The following RAB3B variants were observed in gnomAD, a reference collection of about 807,000 sequenced individuals.
RAB3B encodes the protein ras-related protein Rab-3B.
A neutral mutation model predicts 20.5 loss-of-function variants in RAB3B; 11 were observed. The observed-to-expected ratio is 0.54, with a 90% CI of 0.34 to 0.89. The LOEUF (loss-of-function observed/expected upper bound fraction) is 0.89, where lower values mean the gene tolerates loss of function less well. Ranked by LOEUF, RAB3B falls within the 40% of genes least tolerant of loss-of-function variation. The pLI is 0.02. For synonymous variants in RAB3B, 99 were observed against 106.3 expected (o/e 0.93, Z 0.42); for missense variants, 225 against 280.9 (o/e 0.80, Z 1.42).
At chr1:51,947,388 T>C (rs542577569) in intron 2 of RAB3B, among the ~76,000 whole-genome samples, 3 of 80,620 alleles carry the variant, frequency 3.7e-5, no homozygotes, top group Non-Finnish European at 8.5e-5. Flanking sequence ...GAGTGGGACC[T>C]TGCCTCAAAA....
intron 2 of RAB3B, among the ~76,000 whole-genome samples, chr1:51,967,398 A>G (rs1477920965): frequency 6.6e-6 from 1 of 151,918 alleles, no homozygotes; most frequent in African/African-American, 2.4e-5. Flanking sequence ...TTGACACCTA[A>G]CAAGGTAACA....
At chr1:51,953,187 A>C (rs1684662963) in intron 2 of RAB3B, among the ~76,000 whole-genome samples, 1 of 152,150 alleles carries the variant, frequency 6.6e-6, no homozygotes, top group Admixed American at 6.5e-5. Context: ...AGAGTTGCCA[A>C]TCCATTTCCT....
chr1:51,947,733 A>G (rs1326671383), intron 2 of RAB3B, among the ~76,000 whole-genome samples: 1 of 152,110 alleles, frequency 6.6e-6, no homozygotes, highest in Admixed American at 6.6e-5. Context: ...TCTCTGCCAC[A>G]ATACACCCTC....
intron 1 of RAB3B, among the ~76,000 whole-genome samples, chr1:51,982,330 T>G (rs1043971777): frequency 2.0e-5 from 3 of 152,182 alleles, no homozygotes; most frequent in African/African-American, 7.2e-5. Flanking sequence ...GGAGGATCGC[T>G]CAAGCCAAGG....
chr1:51,948,063 A>G (rs1299855528), intron 2 of RAB3B, among the ~76,000 whole-genome samples: 1 of 152,188 alleles, frequency 6.6e-6, no homozygotes, highest in African/African-American at 2.4e-5. Context: ...AGCCCTCCAA[A>G]TATTCAAATC....
At chr1:51,971,957 G>C (rs1684943059) in intron 2 of RAB3B, among the ~76,000 whole-genome samples, 1 of 152,086 alleles carries the variant, frequency 6.6e-6, no homozygotes, top group Non-Finnish European at 1.5e-5. Flanking sequence ...GAGGTAGGTG[G>C]ATCACTTGAG....
intron 2 of RAB3B, among the ~76,000 whole-genome samples, chr1:51,940,135 G>C (rs1684470698): frequency 6.6e-6 from 1 of 152,152 alleles, no homozygotes; most frequent in African/African-American, 2.4e-5. Context: ...GAACTAATCT[G>C]TCTCTCTCCT....
intron 2 of RAB3B, among the ~76,000 whole-genome samples, chr1:51,962,249 C>G (rs974205951): frequency 6.6e-6 from 1 of 152,200 alleles, no homozygotes; most frequent in Non-Finnish European, 1.5e-5. Context: ...AAGCACTGAG[C>G]ACAGTGCTGG....
chr1:51,989,673 T>A (rs185774303), intron 1 of RAB3B, among the ~76,000 whole-genome samples: 75 of 151,966 alleles, frequency 4.9e-4, no homozygotes, highest in African/African-American at 1.7e-3. Flanking sequence ...GACCAGAATG[T>A]AGGCCCCTGT....
intron 4 of RAB3B, among the ~76,000 whole-genome samples, chr1:51,932,578 T>C (rs1309090899): frequency 2.0e-5 from 3 of 152,200 alleles, no homozygotes; most frequent in South Asian, 2.1e-4. Context: ...TCAAACCACA[T>C]AGTTTTGTTC....
intron 2 of RAB3B, among the ~76,000 whole-genome samples, chr1:51,949,141 A>C (rs1250850225): frequency 1.3e-5 from 2 of 152,182 alleles, no homozygotes; most frequent in East Asian, 3.9e-4. Context: ...TCATTCCTTA[A>C]CTGAAACAGT....
intron 2 of RAB3B, among the ~76,000 whole-genome samples, chr1:51,941,468 A>T (rs1684493010): frequency 6.6e-6 from 1 of 152,246 alleles, no homozygotes; most frequent in African/African-American, 2.4e-5. Context: ...AGGTCAGACT[A>T]AATAAGAATC....
At chr1:51,984,381 CCAATT>C (rs1268170075) in intron 1 of RAB3B, among the ~76,000 whole-genome samples, 1 of 142,848 alleles carries the variant, frequency 7.0e-6, no homozygotes, top group Non-Finnish European at 1.5e-5. Flanking sequence ...TGTCATAAGA[CCAATT>C]CTTTTTTTTT....
At chr1:51,933,980 CAAA>C (rs756808372) in intron 3 of RAB3B, among the ~76,000 whole-genome samples, 16 of 152,190 alleles carry the variant, frequency 1.1e-4, no homozygotes, top group Non-Finnish European at 2.2e-4. Flanking sequence ...GCCCTAGCTG[CAAA>C]CCTCATCCAT....
rs1684148055 is a variant in RAB3B at position 51,919,946 on chromosome 1, T to A, written c.641A>T (p.Gln214Leu). Residue 214 changes from glutamine (Q) to leucine (L), a missense_variant, in exon 5 of 5, where the codon CAG (glutamine) becomes CTG (leucine). Transcript: ENST00000371655. ...CCTTGCCTAGCATGAGCAGTTCTGC[T>A]GCAGCAGCGGTGGGGTGTCCGAGAG... ...TRLSDTPPLL[Q>L]QNCSC 6.2e-7 allele frequency: 1 copy of A among 1,613,588 alleles called. No homozygotes were observed.
chr1:51,955,802 A>G (rs190853852), intron 2 of RAB3B, among the ~76,000 whole-genome samples: 56 of 152,284 alleles, frequency 3.7e-4, no homozygotes, highest in African/African-American at 1.3e-3. Context: ...TAGAGAAATC[A>G]GGAGTCCAGG....
chr1:51,931,926 T>C (rs2124247836), intron 4 of RAB3B, among the ~76,000 whole-genome samples: 1 of 152,094 alleles, frequency 6.6e-6, no homozygotes, highest in African/African-American at 2.4e-5. Context: ...GTTGAAAGCC[T>C]AAAGGGACCG....
chr1:51,932,061 C>A (rs528602359), intron 4 of RAB3B, among the ~76,000 whole-genome samples: 196 of 152,194 alleles, frequency 1.3e-3, no homozygotes, highest in African/African-American at 4.4e-3. Flanking sequence ...GATGACCCAA[C>A]CTCCCTGTTT....
chr1:51,983,363 T>C (rs1163916157), intron 1 of RAB3B, among the ~76,000 whole-genome samples: 2 of 152,104 alleles, frequency 1.3e-5, no homozygotes, highest in Admixed American at 1.3e-4. Flanking sequence ...CTTTTCTATG[T>C]TTAGATGTGT....
Sources: allele counts gnomAD v4.1 joint callset (sites outside exome capture counted in the v4.1 genomes callset), GRCh38; gene constraint gnomAD v4.1.1; transcripts MANE v1.5; gene names NCBI Gene and HGNC (gene_info 2026-07-23, HGNC 2026-07-21).